FRMD3: variants seen among roughly 807,000 people sequenced by gnomAD.
The protein encoded by FRMD3 is FERM domain containing 3, also known as FERM domain-containing protein 3.
A neutral mutation model predicts 70.2 loss-of-function variants in FRMD3; 33 were observed. The observed-to-expected ratio is 0.47, with a 90% CI of 0.36 to 0.63. The LOEUF (loss-of-function observed/expected upper bound fraction) is 0.63, where lower values mean the gene tolerates loss of function less well. Ranked by LOEUF, FRMD3 falls within the 20% of genes least tolerant of loss-of-function variation. FRMD3 has a pLI of 0.00. For missense variants in FRMD3, 632 were observed against 711.4 expected, an observed-to-expected ratio of 0.89 and a Z score of 1.27; for synonymous variants, 279 against 255.9, an observed-to-expected ratio of 1.09 and a Z score of -0.86.
intron 2 of FRMD3, among the ~76,000 whole-genome samples, chr9:83,385,711 T>C (rs1450205419): frequency 1.3e-5 from 2 of 152,012 alleles, no homozygotes; most frequent in African/African-American, 2.4e-5. Context: ...TCAGTTTTAC[T>C]TGCCATTCAG....
At chr9:83,514,004 G>A (rs1829396987) in intron 1 of FRMD3, among the ~76,000 whole-genome samples, 1 of 152,182 alleles carries the variant, frequency 6.6e-6, no homozygotes, top group South Asian at 2.1e-4. Context: ...TACACCACAA[G>A]GGCCCTGGGT....
intron 13 of FRMD3, among the ~76,000 whole-genome samples, chr9:83,272,708 C>T (rs544154698): frequency 0.2 from 29,371 of 146,046 alleles, 3,562 homozygotes; most frequent in African/African-American, 0.33. Flanking sequence ...CGCCTCTTCC[C>T]GGCCGCCATC....
In FRMD3 at chr9:83,245,242, C is replaced by T. The variant is rs1832036620; in HGVS notation, c.*2676G>A. The T allele has an allele frequency of 1.0e-6, 1 of 984,780 alleles. No homozygotes were observed. Among genetic ancestry groups the T allele is most frequent in the Non-Finnish European group, 1.2e-6 (1 of 829,348 alleles). 61.0% of individuals were successfully genotyped at this position (984,780 alleles called of 1,614,324 possible). A position where few individuals can be genotyped will look rare whatever the true frequency, so the allele number is the denominator to read the frequency against. On this transcript the variant is annotated 3_prime_UTR_variant, in exon 14 of 14. Coordinates refer to ENST00000304195, the MANE Select transcript of FRMD3 (RefSeq NM_174938.6). ...CAATAATATGGAATATACATATACT[C>T]ACACACTTGCTTTAAACTCTATATC...
At chr9:83,510,490 T>TA (rs1283305482) in intron 1 of FRMD3, among the ~76,000 whole-genome samples, 4 of 152,150 alleles carry the variant, frequency 2.6e-5, no homozygotes, top group African/African-American at 9.7e-5. Context: ...AGGTTAAACA[T>TA]AGAGTTACCA....
intron 2 of FRMD3, among the ~76,000 whole-genome samples, chr9:83,376,346 G>C (rs1825146596): frequency 6.6e-6 from 1 of 152,080 alleles, no homozygotes; most frequent in Non-Finnish European, 1.5e-5. Context: ...TGGGTAAATA[G>C]ACTGTGATCT....
chr9:83,438,019 C>CAG (rs1487805371), intron 1 of FRMD3, among the ~76,000 whole-genome samples: 1 of 152,128 alleles, frequency 6.6e-6, no homozygotes, highest in Non-Finnish European at 1.5e-5. Flanking sequence ...CCCTCCCACA[C>CAG]ACCGGCTGTT....
At position 83,350,946 on chromosome 9, in the gene FRMD3, T is replaced by C. The variant is rs936491220; in HGVS notation, c.296-1189A>G. ...TAACATATAAAATGAACATCTTAAA[T>C]CAAGGAAATAAAATAGTTAGCATTA... On this transcript the variant is annotated intron_variant, in intron 3 of 13. Coordinates refer to ENST00000304195, the MANE Select transcript of FRMD3 (RefSeq NM_174938.6). 3.6e-6 allele frequency: 3 copies of C among 834,994 alleles called. No homozygotes were observed. The African/African-American group carries it at 5.5e-5, about 15-fold the overall frequency. The allele number at this position is 834,994 out of a possible 1,614,324, so 51.7% of individuals were successfully genotyped here.
intron 13 of FRMD3, among the ~76,000 whole-genome samples, chr9:83,254,608 G>A (rs1303370172): frequency 6.6e-6 from 1 of 151,316 alleles, no homozygotes; most frequent in Non-Finnish European, 1.5e-5. Context: ...CTGAATTTTA[G>A]AAAAAAATAA....
chr9:83,424,815 C>A (rs1006021166), intron 1 of FRMD3, among the ~76,000 whole-genome samples: 1 of 152,204 alleles, frequency 6.6e-6, no homozygotes, highest in African/African-American at 2.4e-5. Flanking sequence ...ACTATCCACA[C>A]AAAGTAGGTC....
chr9:83,474,174 A>T (rs943401399), intron 1 of FRMD3, among the ~76,000 whole-genome samples: 10 of 152,222 alleles, frequency 6.6e-5, no homozygotes, highest in Admixed American at 5.2e-4. Context: ...GCAACCCCTC[A>T]AAAGTACAGA....
intron 1 of FRMD3, among the ~76,000 whole-genome samples, chr9:83,417,954 G>A (rs1015593696): frequency 6.6e-6 from 1 of 152,166 alleles, no homozygotes; most frequent in Non-Finnish European, 1.5e-5. Context: ...CTGCTTCCTA[G>A]AGAAGTTACA....
chr9:83,253,034 T>C (rs1832503491), intron 13 of FRMD3, among the ~76,000 whole-genome samples: 1 of 152,206 alleles, frequency 6.6e-6, no homozygotes, highest in Admixed American at 6.5e-5. Flanking sequence ...ACATGGTAGA[T>C]ATCTACAGAA....
intron 13 of FRMD3, among the ~76,000 whole-genome samples, chr9:83,249,604 T>A (rs1427269874): frequency 6.6e-6 from 1 of 152,192 alleles, no homozygotes; most frequent in Non-Finnish European, 1.5e-5. Flanking sequence ...AGATATTTCA[T>A]GATAGCTCTA....
chr9:83,575,293 T>C, the FRMD3 span, among the ~76,000 whole-genome samples: 3 of 152,214 alleles, frequency 2.0e-5, no homozygotes, highest in East Asian at 3.8e-4. Flanking sequence ...GGTTTAGTCC[T>C]AATCAAACCT....
At chr9:83,271,181 G>A (rs1489616144) in intron 13 of FRMD3, among the ~76,000 whole-genome samples, 4 of 152,108 alleles carry the variant, frequency 2.6e-5, no homozygotes. Context: ...ATCTACATTA[G>A]AAACCAACAG....
At chr9:83,551,151 T>C in the FRMD3 span, among the ~76,000 whole-genome samples, 1 of 152,160 alleles carries the variant, frequency 6.6e-6, no homozygotes, top group Non-Finnish European at 1.5e-5. Context: ...GTATGTTCTT[T>C]CAATACTTAG....
At chr9:83,440,485 T>A (rs2131392958) in intron 1 of FRMD3, among the ~76,000 whole-genome samples, 1 of 152,238 alleles carries the variant, frequency 6.6e-6, no homozygotes, top group East Asian at 1.9e-4. Flanking sequence ...ATAGATCAGC[T>A]CCCAGCTGGA....
At chr9:83,507,592 C>G (rs1214000811) in intron 1 of FRMD3, among the ~76,000 whole-genome samples, 2 of 147,568 alleles carry the variant, frequency 1.4e-5, no homozygotes, top group Non-Finnish European at 3.0e-5. Flanking sequence ...ATGGCATGAA[C>G]CTGGGAGGCA....
chr9:83,344,687 C>T (rs1823891644), intron 4 of FRMD3, among the ~76,000 whole-genome samples: 1 of 152,190 alleles, frequency 6.6e-6, no homozygotes, highest in Non-Finnish European at 1.5e-5. Flanking sequence ...CTTTGAACTA[C>T]ACCACTGGCT....
Sources: gnomAD v4.1 joint callset for allele counts (sites outside exome capture counted in the v4.1 genomes callset) on GRCh38, gnomAD v4.1.1 for gene constraint, MANE v1.5 for transcripts, NCBI Gene and HGNC (gene_info 2026-07-23, HGNC 2026-07-21) for gene names.